The following GPC5 variants were observed in gnomAD, a reference collection of about 807,000 sequenced individuals.
GPC5 encodes the protein glypican 5, also known as glypican-5.
In GPC5, 47 loss-of-function variants were observed where a neutral mutation model predicts 53.9. The ratio of observed to expected loss-of-function variants is 0.87; its 90% confidence interval spans 0.69 to 1.11. The LOEUF is 1.11. Ranked by LOEUF, GPC5 falls within the 50% of genes most tolerant of loss-of-function variation. GPC5 has a pLI of 0.00. For missense variants in GPC5, 748 were observed against 713.1 expected (o/e 1.05, Z -0.56); for synonymous variants, 286 against 263.3 (o/e 1.09, Z -0.84).
chr13:91,935,717 T>C (rs2039863973), intron 6 of GPC5, among the ~76,000 whole-genome samples: 1 of 152,010 alleles, frequency 6.6e-6, no homozygotes, highest in South Asian at 2.1e-4. Flanking sequence ...AGCTAATGCA[T>C]GGGAGGAGCA....
At chr13:92,498,404 A>G (rs1215558159) in intron 7 of GPC5, among the ~76,000 whole-genome samples, 2 of 152,244 alleles carry the variant, frequency 1.3e-5, no homozygotes, top group African/African-American at 4.8e-5. Flanking sequence ...GAGAAAGATC[A>G]TATACCAGTT....
chr13:92,173,649 A>G (rs563870767), intron 7 of GPC5, among the ~76,000 whole-genome samples: 8 of 152,328 alleles, frequency 5.3e-5, no homozygotes, highest in African/African-American at 9.6e-5. Flanking sequence ...TTAAAATGCA[A>G]TGAGCAAAAA....
At chr13:92,858,394 A>G (rs1362955870) in intron 7 of GPC5, among the ~76,000 whole-genome samples, 2 of 152,162 alleles carry the variant, frequency 1.3e-5, no homozygotes, top group Admixed American at 6.6e-5. Flanking sequence ...TGAGTTAATT[A>G]AAACTCTTTC....
chr13:92,125,919 TTTTG>T (rs1265028898), intron 6 of GPC5, among the ~76,000 whole-genome samples: 1 of 46,174 alleles, frequency 2.2e-5, no homozygotes, highest in Non-Finnish European at 6.4e-5. Context: ...AACATTTGTT[TTTTG>T]GTTTTTTTTT....
At chr13:91,541,789 A>T (rs1238314072) in intron 2 of GPC5, among the ~76,000 whole-genome samples, 1 of 151,966 alleles carries the variant, frequency 6.6e-6, no homozygotes, top group Non-Finnish European at 1.5e-5. Context: ...CATAAAGAGT[A>T]ATATGTTAAT....
chr13:92,458,302 T>TGGG (rs558814404), intron 7 of GPC5, among the ~76,000 whole-genome samples: 76 of 96,750 alleles, frequency 7.9e-4, no homozygotes, highest in Middle Eastern at 5.0e-3. Context: ...TATTCTTTTT[T>TGGG]TGGGGGGGGC....
At chr13:91,496,010 G>A (rs1188650604) in intron 2 of GPC5, among the ~76,000 whole-genome samples, 2 of 150,650 alleles carry the variant, frequency 1.3e-5, no homozygotes, top group Non-Finnish European at 2.9e-5. Context: ...GTGACAGAGA[G>A]AGACTCTGTC....
intron 6 of GPC5, among the ~76,000 whole-genome samples, chr13:92,029,430 T>A (rs991187838): frequency 6.6e-6 from 1 of 152,204 alleles, no homozygotes; most frequent in Admixed American, 6.5e-5. Context: ...GGGAGGGTCA[T>A]CTGCAAGTTT....
intron 7 of GPC5, among the ~76,000 whole-genome samples, chr13:92,623,014 GA>G (rs1459321789): frequency 1.3e-5 from 2 of 152,014 alleles, no homozygotes. Context: ...TGAGATAACA[GA>G]AAAGTAAAAA....
chr13:92,794,659 A>G (rs763941768), intron 7 of GPC5, among the ~76,000 whole-genome samples: 8 of 152,160 alleles, frequency 5.3e-5, no homozygotes, highest in Non-Finnish European at 1.0e-4. Flanking sequence ...AAAAATCTCC[A>G]TAAGCTGATA....
Position 91,657,355 on chromosome 13 carries a change from G to C in GPC5, c.326-35832G>C, listed in dbSNP as rs567521204. ...ATCTTGGGAAACTGGATGGATGCTG[G>C]TGCTATTAACCTAAAAGAAAAAGAT... is the stretch of plus-strand genomic sequence containing the variant. On this transcript the variant is annotated intron_variant, in intron 2 of 7. Transcript: ENST00000377067. 2.8e-4 allele frequency among the ~76,000 whole-genome samples: 42 copies of C among 152,236 alleles called. 1 individual carries two copies. Among genetic ancestry groups the C allele is most frequent in the Admixed American group, 8.5e-4 (13 of 15,286 alleles).
At chr13:92,270,744 C>G (rs2139154846) in intron 7 of GPC5, among the ~76,000 whole-genome samples, 1 of 152,052 alleles carries the variant, frequency 6.6e-6, no homozygotes, top group Non-Finnish European at 1.5e-5. Context: ...ATAGAAAATC[C>G]CTACATGCAG....
intron 2 of GPC5, among the ~76,000 whole-genome samples, chr13:91,510,965 A>AT (rs956413396): frequency 3.3e-5 from 5 of 151,796 alleles, no homozygotes; most frequent in African/African-American, 9.7e-5. Flanking sequence ...TTTTCCTTTG[A>AT]TTTTTTTATA....
intron 5 of GPC5, among the ~76,000 whole-genome samples, chr13:91,841,131 G>A (rs1322932695): frequency 6.6e-6 from 1 of 151,708 alleles, no homozygotes; most frequent in Non-Finnish European, 1.5e-5. Context: ...AATTCCGAAG[G>A]GGCCTGGAGG....
At chr13:91,882,654 T>G (rs1233751454) in intron 5 of GPC5, among the ~76,000 whole-genome samples, 1 of 144,232 alleles carries the variant, frequency 6.9e-6, no homozygotes, top group Non-Finnish European at 1.5e-5. Flanking sequence ...AGGTTTTTTG[T>G]TTGTTTGTTT....
intron 6 of GPC5, among the ~76,000 whole-genome samples, chr13:91,975,211 C>T (rs1026865018): frequency 4.6e-5 from 7 of 152,006 alleles, no homozygotes; most frequent in African/African-American, 1.7e-4. Context: ...TAGGCATGGG[C>T]AAGGACTTCA....
chr13:91,488,166 G>T (rs1883724667), intron 2 of GPC5, among the ~76,000 whole-genome samples: 1 of 152,118 alleles, frequency 6.6e-6, no homozygotes, highest in African/African-American at 2.4e-5. Context: ...ATATGGTCAT[G>T]ATGATTTTCT....
chr13:91,884,071 A>T (rs930799122), intron 5 of GPC5, among the ~76,000 whole-genome samples: 1 of 152,216 alleles, frequency 6.6e-6, no homozygotes, highest in Non-Finnish European at 1.5e-5. Context: ...CACCATTCAG[A>T]ATGGTTATTA....
At chr13:92,076,824 A>G (rs1306624434) in intron 6 of GPC5, among the ~76,000 whole-genome samples, 1 of 152,196 alleles carries the variant, frequency 6.6e-6, no homozygotes, top group East Asian at 1.9e-4. Context: ...CTCTATTAAC[A>G]TAGCTAGATC....
Sources: allele counts gnomAD v4.1 joint callset (sites outside exome capture counted in the v4.1 genomes callset), GRCh38; gene constraint gnomAD v4.1.1; transcripts MANE v1.5; gene names NCBI Gene and HGNC (gene_info 2026-07-23, HGNC 2026-07-21).